EIF3L: variants seen among roughly 807,000 people sequenced by gnomAD.
The protein encoded by EIF3L is eIEF associated protein HSPC021.
Under a neutral mutation model 74.6 loss-of-function variants are expected in EIF3L, and 32 were observed. The ratio of observed to expected loss-of-function variants is 0.43; its 90% CI spans 0.32 to 0.58. The LOEUF (loss-of-function observed/expected upper bound fraction) is 0.58. Among genes scored for constraint, EIF3L ranks in the 20% least tolerant of loss-of-function variants. The pLI is 0.06. For missense variants in EIF3L, 474 were observed against 707.8 expected, an observed-to-expected ratio of 0.67 and a Z score of 3.75; for synonymous variants, 256 against 254.4, an observed-to-expected ratio of 1.01 and a Z score of -0.06.
chr22:37,872,885 C>T (rs377629198), intron 8 of EIF3L, among the ~76,000 whole-genome samples: 1 of 152,166 alleles, frequency 6.6e-6, no homozygotes, highest in East Asian at 1.9e-4. Flanking sequence ...TGTGCCCAAC[C>T]TTTGAACTGT....
At chr22:37,863,490 G>A (rs769429605) in intron 7 of EIF3L, 145 bp downstream of exon 7, 4 of 670,968 alleles carry the variant, frequency 6.0e-6, no homozygotes, top group East Asian at 2.9e-5. Flanking sequence ...TCCAGTTTCA[G>A]CTGGCTTTCG....
intron 3 of EIF3L, among the ~76,000 whole-genome samples, chr22:37,854,821 C>T (rs953758257): frequency 3.9e-5 from 6 of 152,112 alleles, no homozygotes; most frequent in African/African-American, 1.2e-4. Flanking sequence ...ACCCCCATCC[C>T]GTAGAGACAG....
At chr22:37,876,133 CTG>C in intron 10 of EIF3L, 122 bp downstream of exon 10, 1 of 1,015,820 alleles carries the variant, frequency 9.8e-7, no homozygotes, top group Non-Finnish European at 1.4e-6. Flanking sequence ...GAGTTCAAGA[CTG>C]TAGAGCGCTC....
intron 11 of EIF3L, chr22:37,882,760 T>C (rs1277384442): frequency 6.6e-6 from 1 of 152,132 alleles, no homozygotes; most frequent in Non-Finnish European, 1.5e-5. Flanking sequence ...CCCAGCACTT[T>C]GGGAGGCCGA....
intron 11 of EIF3L, chr22:37,884,347 T>C (rs1927212478): frequency 6.6e-6 from 1 of 152,236 alleles, no homozygotes; most frequent in South Asian, 2.1e-4. Context: ...TGTTCCTTTT[T>C]TCACTTTTTG....
chr22:37,860,491 G>C (rs1235607571), intron 5 of EIF3L, among the ~76,000 whole-genome samples: 1 of 152,120 alleles, frequency 6.6e-6, no homozygotes. Flanking sequence ...TCCTTCCTCA[G>C]CCTCCTGAGT....
rs769521158 is a variant in EIF3L, at chr22:37,849,446, A to G, written c.-4A>G. 5.0e-6 allele frequency: 8 copies of G among 1,613,548 alleles called. No homozygotes were observed. In the African/African-American group the frequency reaches 5.3e-5, roughly 11 times the overall value. The stretch of plus-strand genomic sequence containing the variant: ...TTCCGGCGGTGCTCGCAAGCGAGGC[A>G]GCCATGTCTTATCCCGCTGATGATT... On this transcript the variant is annotated 5_prime_UTR_variant, in exon 1 of 13. Coordinates refer to ENST00000652021, the MANE Select transcript of EIF3L (RefSeq NM_016091.4).
intron 8 of EIF3L, chr22:37,871,085 A>T (rs965701329): frequency 6.6e-6 from 1 of 152,058 alleles, no homozygotes; most frequent in East Asian, 1.9e-4. Context: ...CTGAGATCAC[A>T]CCACTGTACT....
chr22:37,888,817 G>A lies in EIF3L; in HGVS notation c.*353G>A, dbSNP rs568925992. The A allele has an allele frequency of 5.6e-5, 13 of 230,556 alleles. No individual in the cohort carries two copies. Among genetic ancestry groups the A allele is most frequent in the East Asian group, 2.4e-4 (2 of 8,314 alleles). 14.3% of individuals were successfully genotyped at this position (230,556 alleles called of 1,614,324 possible). ...GAGTGCAGTAGCGTGATCTCAGTTCGTTGCATCCTCCGCTGCCCAGGTTCA... is the reference window on the plus strand; with the variant it reads ...GAGTGCAGTAGCGTGATCTCAGTTCATTGCATCCTCCGCTGCCCAGGTTCA... On this transcript the variant is annotated 3_prime_UTR_variant, in exon 13 of 13. Coordinates refer to ENST00000652021, the MANE Select transcript of EIF3L (RefSeq NM_016091.4).
In EIF3L at chr22:37,875,963, C is replaced by G; in HGVS notation, c.1029C>G (p.Ile343Met). 1.2e-6 allele frequency: 2 copies of G among 1,614,096 alleles called. No homozygotes were observed. Among genetic ancestry groups the G allele is most frequent in the East Asian group, 2.2e-5 (1 of 44,878 alleles). The change falls in exon 10 of 13, where the codon ATC becomes ATG. Residue 343 changes from isoleucine to methionine, a missense_variant. This residue lies in a region of EIF3L where 293 missense variants were observed against 469.1 expected (regional missense o/e 0.62). Transcript: ENST00000652021. The part of the protein sequence containing the change: ...IRVFANILLY[I>M]QRTKSMFQRT... ...TCTTCGCCAACATCCTCCTCTACATCCAGAGGACCAAGAGCATGTTCCAGA... is the reference window on the plus strand; with the variant it reads ...TCTTCGCCAACATCCTCCTCTACATGCAGAGGACCAAGAGCATGTTCCAGA...
At chr22:37,876,185 A>T in intron 10 of EIF3L, 174 bp downstream of exon 10, 3 of 637,148 alleles carry the variant, frequency 4.7e-6, no homozygotes, top group Non-Finnish European at 7.8e-6. Context: ...GCTGGAGTGC[A>T]GTGACGCAGT....
At chr22:37,851,896 G>C (rs1054041790) in intron 3 of EIF3L, among the ~76,000 whole-genome samples, 9 of 152,104 alleles carry the variant, frequency 5.9e-5, no homozygotes, top group African/African-American at 1.9e-4. Context: ...TTGAACCCCT[G>C]ACCTCAAGTG....
intron 1 of EIF3L, 122 bp from the exon 2 acceptor site, chr22:37,849,893 G>A: frequency 9.6e-7 from 1 of 1,036,690 alleles, no homozygotes. Flanking sequence ...TTCCTCAAAG[G>A]CAGGCACAGT....
intron 12 of EIF3L, chr22:37,888,222 G>A: frequency 1.8e-6 from 1 of 544,420 alleles, no homozygotes; most frequent in East Asian, 3.0e-5. Context: ...GAGTGTGAAG[G>A]GCAGATAAAA....
At chr22:37,866,390 A>G (rs1016150224) in intron 7 of EIF3L, among the ~76,000 whole-genome samples, 2 of 152,230 alleles carry the variant, frequency 1.3e-5, no homozygotes, top group East Asian at 1.9e-4. Context: ...TATGTTGTAC[A>G]CAGGCATATT....
chr22:37,872,245 G>A (rs546011173), intron 8 of EIF3L, among the ~76,000 whole-genome samples: 1 of 152,052 alleles, frequency 6.6e-6, no homozygotes, highest in South Asian at 2.1e-4. Context: ...AGCCTCCAGG[G>A]ATATAGAAAG....
intron 8 of EIF3L, among the ~76,000 whole-genome samples, chr22:37,871,021 G>A (rs556603043): frequency 7.2e-5 from 11 of 152,030 alleles, no homozygotes; most frequent in Non-Finnish European, 1.5e-4. Context: ...CCAGCTACTC[G>A]GGAGGCTGAG....
intron 6 of EIF3L, 54 bp from the exon 7 acceptor site, chr22:37,863,218 A>G: frequency 1.3e-6 from 2 of 1,489,940 alleles, no homozygotes; most frequent in Non-Finnish European, 1.9e-6. Context: ...TGCAGCCTAC[A>G]GAATGGGCAG....
At chr22:37,857,186 C>G (rs920958945) in intron 4 of EIF3L, among the ~76,000 whole-genome samples, 1 of 151,548 alleles carries the variant, frequency 6.6e-6, no homozygotes, top group South Asian at 2.1e-4. Flanking sequence ...ACGGTGAAAC[C>G]CCGTCTCTAC....
Sources: allele counts gnomAD v4.1 joint callset (sites outside exome capture counted in the v4.1 genomes callset), GRCh38; gene constraint gnomAD v4.1.1; regional missense constraint gnomAD v4.1.1; transcripts MANE v1.5; gene names NCBI Gene and HGNC (gene_info 2026-07-23, HGNC 2026-07-21).